PIK3R1: variants seen among roughly 807,000 people sequenced by gnomAD.
The protein encoded by PIK3R1 is phosphatidylinositol 3-kinase regulatory subunit alpha.
A neutral mutation model predicts 98.0 loss-of-function variants in PIK3R1; 29 were observed. The observed-to-expected ratio is 0.30, with a 90% CI of 0.22 to 0.40. PIK3R1 has a LOEUF of 0.40. PIK3R1 is among the 10% of genes least tolerant of loss of function. The probability of loss-of-function intolerance (pLI) is 1.00; values close to 1 mark genes in which losing one functional copy is unlikely to be tolerated. For missense variants in PIK3R1, 596 were observed against 872.7 expected (o/e 0.68, Z 3.99); for synonymous variants, 282 against 311.8 (o/e 0.90, Z 1.01).
At chr5:68,283,400 T>C (rs1365172297) in intron 7 of PIK3R1, among the ~76,000 whole-genome samples, 1 of 152,216 alleles carries the variant, frequency 6.6e-6, no homozygotes, top group Non-Finnish European at 1.5e-5. Context: ...GGAGTACACA[T>C]ACTCTAAGTA....
At chr5:68,230,851 T>C (rs1220657701) in intron 2 of PIK3R1, among the ~76,000 whole-genome samples, 3 of 152,224 alleles carry the variant, frequency 2.0e-5, no homozygotes, top group Non-Finnish European at 4.4e-5. Context: ...CCCTATGTTA[T>C]GTTCTTCGGA....
At chr5:68,282,524 G>C (rs1050136933) in intron 7 of PIK3R1, among the ~76,000 whole-genome samples, 1 of 152,182 alleles carries the variant, frequency 6.6e-6, no homozygotes, top group Non-Finnish European at 1.5e-5. Context: ...TTATCACATG[G>C]AATTTTGGAG....
intron 7 of PIK3R1, among the ~76,000 whole-genome samples, chr5:68,287,453 G>C (rs912767804): frequency 1.2e-4 from 18 of 152,126 alleles, no homozygotes; most frequent in Admixed American, 5.2e-4. Flanking sequence ...GTCAGATTTC[G>C]TTTTCCCCTC....
In PIK3R1 at chr5:68,281,010, A is replaced by C. The variant is rs1360033322; in HGVS notation, c.916+4A>C. ...AATGAACGACAGCCTGCACCAGGTA[A>C]TGCTTTTTGAGCATTTAACATTCTC... On this transcript the variant is annotated splice_donor_region_variant and intron_variant, in intron 7 of 15. Transcript: ENST00000521381. 1 of 1,582,718 alleles carries C rather than the reference A, an allele frequency of 6.3e-7. No homozygotes were observed.
intron 2 of PIK3R1, among the ~76,000 whole-genome samples, chr5:68,268,486 A>T (rs1206403616): frequency 2.0e-5 from 3 of 152,236 alleles, no homozygotes; most frequent in African/African-American, 7.2e-5. Flanking sequence ...CCACCAGAAT[A>T]TACATTTTTC....
In PIK3R1 at chr5:68,293,084, T is replaced by C; in HGVS notation, c.1020-17T>C. 1 of 1,590,416 alleles carries C rather than the reference T, an allele frequency of 6.3e-7. No individual in the cohort carries two copies. Among genetic ancestry groups the C allele is most frequent in the Non-Finnish European group, 8.6e-7 (1 of 1,158,748 alleles). On this transcript the variant is annotated splice_polypyrimidine_tract_variant and intron_variant, in intron 8 of 15. Coordinates refer to ENST00000521381, the MANE Select transcript of PIK3R1 (RefSeq NM_181523.3). ...ACTAAACCTTAAGATGAGCATTGTTTTGTGTTTTCATTTCAGGGAAGAAGT... is the reference window on the plus strand; with the variant it reads ...ACTAAACCTTAAGATGAGCATTGTTCTGTGTTTTCATTTCAGGGAAGAAGT...
At chr5:68,290,996 C>T in intron 7 of PIK3R1, 2 of 557,664 alleles carry the variant, frequency 3.6e-6, no homozygotes, top group East Asian at 3.0e-5. Flanking sequence ...GATTGTTTGA[C>T]TGTCTGTGGA....
intron 2 of PIK3R1, among the ~76,000 whole-genome samples, chr5:68,252,729 G>A (rs1490194994): frequency 1.3e-5 from 2 of 152,162 alleles, no homozygotes; most frequent in Non-Finnish European, 2.9e-5. Flanking sequence ...AATTTTGGGG[G>A]TGGGAAGGAG....
At chr5:68,247,684 T>A (rs1409790677) in intron 2 of PIK3R1, among the ~76,000 whole-genome samples, 1 of 151,786 alleles carries the variant, frequency 6.6e-6, no homozygotes, top group African/African-American at 2.4e-5. Context: ...GGTCACCTGA[T>A]CCTCCTACCT....
intron 7 of PIK3R1, among the ~76,000 whole-genome samples, chr5:68,281,670 G>T (rs1346091233): frequency 6.6e-6 from 1 of 152,170 alleles, no homozygotes; most frequent in Non-Finnish European, 1.5e-5. Context: ...ATCGACACTG[G>T]TCATTTAGAA....
chr5:68,270,382 C>T (rs1347973011), intron 2 of PIK3R1, among the ~76,000 whole-genome samples: 2 of 152,204 alleles, frequency 1.3e-5, no homozygotes, highest in East Asian at 3.9e-4. Context: ...CTTTTGGGTG[C>T]ATATTTCAAT....
intron 14 of PIK3R1, chr5:68,295,832 AG>A (rs1747682604): frequency 2.2e-6 from 1 of 450,866 alleles, no homozygotes; most frequent in Admixed American, 3.8e-5. Context: ...TGTTTGAATT[AG>A]TCAAAAACTG....
chr5:68,235,274 A>T (rs1435715025), intron 2 of PIK3R1, among the ~76,000 whole-genome samples: 2 of 151,900 alleles, frequency 1.3e-5, no homozygotes, highest in South Asian at 2.1e-4. Flanking sequence ...GTGATGGTGC[A>T]TGCCTGTAAT....
intron 2 of PIK3R1, among the ~76,000 whole-genome samples, chr5:68,242,972 A>G (rs1019946581): frequency 1.3e-5 from 2 of 152,134 alleles, no homozygotes; most frequent in African/African-American, 2.4e-5. Flanking sequence ...ACAAGTATAG[A>G]AAGAAGCCTT....
At chr5:68,250,674 T>C (rs1745271528) in intron 2 of PIK3R1, among the ~76,000 whole-genome samples, 1 of 152,168 alleles carries the variant, frequency 6.6e-6, no homozygotes, top group African/African-American at 2.4e-5. Flanking sequence ...GAAAATGTGT[T>C]CTGGATTTCG....
chr5:68,265,423 A>C (rs905963444), intron 2 of PIK3R1, among the ~76,000 whole-genome samples: 4 of 152,136 alleles, frequency 2.6e-5, no homozygotes, highest in Non-Finnish European at 1.5e-5. Context: ...ACCACCATAG[A>C]CATTTAGAAA....
intron 7 of PIK3R1, among the ~76,000 whole-genome samples, chr5:68,289,689 A>G (rs1463744196): frequency 7.7e-6 from 1 of 130,300 alleles, no homozygotes; most frequent in Non-Finnish European, 1.6e-5. Flanking sequence ...AAATTGATTT[A>G]TTTATGTTAA....
intron 2 of PIK3R1, among the ~76,000 whole-genome samples, chr5:68,232,933 G>A (rs999132222): frequency 2.6e-5 from 4 of 152,068 alleles, no homozygotes; most frequent in African/African-American, 9.7e-5. Context: ...AATTTTCTTT[G>A]TTATAAATAT....
intron 1 of PIK3R1, among the ~76,000 whole-genome samples, chr5:68,219,312 G>A (rs143973745): frequency 6.6e-6 from 1 of 152,324 alleles, no homozygotes; most frequent in African/African-American, 2.4e-5. Context: ...ATAGTTGTCA[G>A]GTTAATGATC....
Sources: gnomAD v4.1 joint callset for allele counts (sites outside exome capture counted in the v4.1 genomes callset) on GRCh38, gnomAD v4.1.1 for gene constraint, MANE v1.5 for transcripts, NCBI Gene and HGNC (gene_info 2026-07-23, HGNC 2026-07-21) for gene names.